POLG: variants seen among roughly 807,000 people sequenced by gnomAD.
The protein encoded by POLG is DNA polymerase gamma, catalytic subunit.
A neutral mutation model predicts 155.4 loss-of-function variants in POLG; 110 were observed. That is an observed-to-expected ratio of 0.71 (90% CI 0.61 to 0.83). POLG has a LOEUF of 0.83. POLG is among the 40% of genes least tolerant of loss of function. POLG has a pLI of 0.00. For missense variants in POLG, 1,685 were observed against 1,627.5 expected (o/e 1.04, Z -0.61); for synonymous variants, 701 against 631.5 (o/e 1.11, Z -1.65).
At chr15:89,323,769 TCCACCCAGCAC>T (rs1214701151) in intron 12 of POLG, 35 bp downstream of exon 12, 2 of 1,461,500 alleles carry the variant, frequency 1.4e-6, no homozygotes. Flanking sequence ...GGAAGCCCTT[TCCACCCAGCAC>T]CCACCTAGAG....
At chr15:89,322,096 C>T (rs975162307) in intron 14 of POLG, 81 bp from the exon 15 acceptor site, 10 of 1,317,724 alleles carry the variant, frequency 7.6e-6, no homozygotes, top group Non-Finnish European at 9.9e-6. Context: ...CCCTCACCTG[C>T]CCACCTCCAG....
chr15:89,330,106 T>C lies in POLG; in HGVS notation c.830A>G (p.His277Arg), dbSNP rs138929605. 7 of 1,614,000 alleles carry C rather than the reference T, an allele frequency of 4.3e-6. No homozygotes were observed. In the Admixed American group the frequency reaches 5.0e-5, roughly 12 times the overall value. ...CTGGATCAGGTACTGCTCCCTGATA[T>C]GAGCTCGGTCAAAGGAAACATTGTG... is the stretch of plus-strand genomic sequence containing the variant. ...VGHNVSFDRA[H>R]IREQYLIQGS... The change falls in exon 3 of 23, where the codon CAT becomes CGT. Residue 277 changes from histidine to arginine, a missense_variant. By Grantham distance (29) the His-to-Arg change is conservative. Transcript: ENST00000268124.
intron 22 of POLG, 148 bp downstream of exon 22, chr15:89,317,221 TGGACACA>T: frequency 1.4e-6 from 1 of 692,062 alleles, no homozygotes; most frequent in South Asian, 1.7e-5. Flanking sequence ...ACATTCACTC[TGGACACA>T]GGGCACCTTA....
In POLG at chr15:89,333,846, G is replaced by C; in HGVS notation, c.-92C>G. Reference sequence around the variant, plus strand: ...TTACTGGCTGGAAGACGTGGAGAGAGACACGTCCTGTCTCTGCTCTCCTGT... The same window carrying C: ...TTACTGGCTGGAAGACGTGGAGAGACACACGTCCTGTCTCTGCTCTCCTGT... On this transcript the variant is annotated 5_prime_UTR_variant, in exon 2 of 23. Coordinates refer to ENST00000268124, the MANE Select transcript of POLG (RefSeq NM_002693.3). 4 of 1,415,544 alleles carry C rather than the reference G, an allele frequency of 2.8e-6. No individual in the cohort carries two copies. Among genetic ancestry groups the C allele is most frequent in the Non-Finnish European group, 2.9e-6 (3 of 1,038,836 alleles). The allele number at this position is 1,415,544 out of a possible 1,614,324, so 87.7% of individuals were successfully genotyped here. A position where few individuals can be genotyped will look rare whatever the true frequency, so the allele number is the denominator to read the frequency against.
In POLG at chr15:89,317,370, G is replaced by A. The variant is rs907052263; in HGVS notation, c.3643+6C>T. On this transcript the variant is annotated splice_donor_region_variant and intron_variant, in intron 22 of 22. Coordinates refer to ENST00000268124, the MANE Select transcript of POLG (RefSeq NM_002693.3). ...GTGTAATGAGGAACAAATGTGTTGT[G>A]CTCACCCTGGGGAATCCCGTATCTC... 3 of 1,613,394 alleles carry A rather than the reference G, an allele frequency of 1.9e-6. No homozygotes were observed. The African/African-American group carries it at 4.0e-5, about 22-fold the overall frequency.
chr15:89,325,227 T>A lies in POLG; in HGVS notation c.1949+223A>T, dbSNP rs1452166635. On this transcript the variant is annotated intron_variant, in intron 10 of 22. Transcript: ENST00000268124. The stretch of plus-strand genomic sequence containing the variant: ...GTGAGAGAGTGAGTGAGTGAGAGAG[T>A]GAGTGAGAGAGTGAGTGAGTGAGAG... Among the ~76,000 whole-genome samples the A allele has an allele frequency of 1.2e-3, 49 of 41,830 alleles. 7 individuals are homozygous for A. In the East Asian group the frequency reaches 0.018, roughly 15 times the overall value. 27.4% of individuals were successfully genotyped at this position (41,830 alleles called of 152,430 possible).
chr15:89,323,138 G>A (rs919818584), intron 13 of POLG, among the ~76,000 whole-genome samples: 3 of 152,152 alleles, frequency 2.0e-5, no homozygotes, highest in South Asian at 2.1e-4. Context: ...ATAACAAATC[G>A]GAAAAACCTA....
chr15:89,328,853 C>T, intron 4 of POLG, 22 bp from the exon 5 acceptor site: 1 of 1,614,050 alleles, frequency 6.2e-7, no homozygotes, highest in Non-Finnish European at 8.5e-7. Flanking sequence ...GAGCAAGGGA[C>T]ATGGCAGATC....
intron 20 of POLG, 81 bp from the exon 21 acceptor site, chr15:89,318,830 T>G: frequency 6.4e-7 from 1 of 1,567,622 alleles, no homozygotes; most frequent in African/African-American, 1.3e-5. Flanking sequence ...CAAGAGAAGC[T>G]TCACTCTGGC....
intron 14 of POLG, among the ~76,000 whole-genome samples, chr15:89,322,521 G>T (rs747329336): frequency 1.3e-5 from 2 of 152,220 alleles, no homozygotes; most frequent in Non-Finnish European, 2.9e-5. Flanking sequence ...TTGGAGCTAC[G>T]AAGGGCTCTC....
chr15:89,334,166 C>A (rs1210221450), intron 1 of POLG, among the ~76,000 whole-genome samples: 1 of 152,206 alleles, frequency 6.6e-6, no homozygotes, highest in Admixed American at 6.5e-5. Flanking sequence ...TGGAGTAGGG[C>A]GACGCGGTTT....
intron 21 of POLG, chr15:89,318,122 T>G (rs1170206225): frequency 5.1e-6 from 1 of 194,430 alleles, no homozygotes; most frequent in East Asian, 1.4e-4. Flanking sequence ...CAGTGTTTTC[T>G]GTTAGCAGTC....
chr15:89,328,759 C>T lies in POLG; in HGVS notation c.1096G>A (p.Gly366Arg), dbSNP rs1340995594. ...LAEVHRLYVG[G>R]PPLEKEPREL... Reference sequence around the variant, plus strand: ...CGAGGCTCCTTCTCTAAGGGAGGCCCCCCTACATAAAGTCTGTGCACCTCT... The same window carrying T: ...CGAGGCTCCTTCTCTAAGGGAGGCCTCCCTACATAAAGTCTGTGCACCTCT... The change falls in exon 5 of 23, where the codon GGG becomes AGG. Residue 366 changes from glycine (G) to arginine (R), a missense_variant. This residue lies in a region of POLG where 1,210 missense variants were observed against 1,167.1 expected (regional missense o/e 1.04). Coordinates refer to ENST00000268124, the MANE Select transcript of POLG (RefSeq NM_002693.3). The T allele has an allele frequency of 6.2e-7, 1 of 1,613,988 alleles. No homozygotes were observed. Among genetic ancestry groups the T allele is most frequent in the African/African-American group, 1.3e-5 (1 of 74,940 alleles).
rs1342740334 is a variant in POLG at position 89,325,237 on chromosome 15, AGTGAGTGAGT to A, written c.1949+203_1949+212del. Among the ~76,000 whole-genome samples the A allele has an allele frequency of 7.4e-4, 78 of 106,012 alleles. 20 individuals are homozygous for A. Among genetic ancestry groups the A allele is most frequent in the African/African-American group, 2.6e-3 (58 of 22,486 alleles). The allele number at this position is 106,012 out of a possible 152,430, so 69.5% of individuals were successfully genotyped here. On this transcript the variant is annotated intron_variant, in intron 10 of 22. Coordinates refer to ENST00000268124, the MANE Select transcript of POLG (RefSeq NM_002693.3). ...GAGTGAGTGAGAGAGTGAGTGAGAG[AGTGAGTGAGT>A]GAGAGAGAGAGTGAGTGAGTGAGTG...
In POLG at chr15:89,318,943, A is replaced by G; in HGVS notation, c.3261T>C (p.Ala1087=). The G allele has an allele frequency of 6.2e-7, 1 of 1,614,142 alleles. No homozygotes were observed. The highest frequency in any genetic ancestry group is 8.5e-7 in the Non-Finnish European group (1 of 1,180,020). ...GGTAGCAAGATACCTCTTCCTGGACAGCCGAGGGCTCCAGGGCTCGGCTGA... is the reference window on the plus strand; with the variant it reads ...GGTAGCAAGATACCTCTTCCTGGACGGCCGAGGGCTCCAGGGCTCGGCTGA... The part of the protein sequence containing the change: ...CCISRALEPS[A]VQEEFMTSRV... The change falls in exon 20 of 23, where the codon GCT becomes GCC. Residue 1087 remains alanine (A), a synonymous_variant. Coordinates refer to ENST00000268124, the MANE Select transcript of POLG (RefSeq NM_002693.3).
chr15:89,329,281 G>C (rs1430020653), intron 3 of POLG, among the ~76,000 whole-genome samples, 171 bp from the exon 4 acceptor site: 1 of 152,190 alleles, frequency 6.6e-6, no homozygotes, highest in African/African-American at 2.4e-5. Context: ...GCTTGTTCAT[G>C]CTTGCCCCAT....
intron 3 of POLG, among the ~76,000 whole-genome samples, chr15:89,329,753 C>T (rs1052386455): frequency 1.3e-5 from 2 of 152,106 alleles, no homozygotes; most frequent in African/African-American, 2.4e-5. Context: ...GATGTTAAGG[C>T]GCTCACAGTA....
In POLG at chr15:89,325,101, A is replaced by T. The variant is rs62022589; in HGVS notation, c.1949+349T>A. Among the ~76,000 whole-genome samples the T allele has an allele frequency of 7.8e-3, 555 of 70,868 alleles. 60 individuals carry two copies. Among genetic ancestry groups the T allele is most frequent in the African/African-American group, 0.049 (376 of 7,622 alleles). The allele number at this position is 70,868 out of a possible 152,430, so 46.5% of individuals were successfully genotyped here. On this transcript the variant is annotated intron_variant, in intron 10 of 22. Coordinates refer to ENST00000268124, the MANE Select transcript of POLG (RefSeq NM_002693.3). ...GTGAGTGAGAGAGTGAGTGAGTGAGAGAGTGAGAGAGAGTGAGTGAGTGAG... is the reference window on the plus strand; with the variant it reads ...GTGAGTGAGAGAGTGAGTGAGTGAGTGAGTGAGAGAGAGTGAGTGAGTGAG...
rs2055536585 is a variant in POLG at position 89,327,351 on chromosome 15, T to C, written c.1251-2A>G. 6.2e-7 allele frequency: 1 copy of C among 1,612,794 alleles called. No homozygotes were observed. Among genetic ancestry groups the C allele is most frequent in the Non-Finnish European group, 8.5e-7 (1 of 1,179,942 alleles). On this transcript the variant is annotated splice_acceptor_variant, in intron 6 of 22. Coordinates refer to ENST00000268124, the MANE Select transcript of POLG (RefSeq NM_002693.3). LOFTEE classifies it high-confidence loss of function. ...GCCAGAGTCACTGGGTGGGGACACC[T>C]TGGAGGCAAACACCAGGAGCTGCCA... is the stretch of plus-strand genomic sequence containing the variant.
Sources: allele counts gnomAD v4.1 joint callset (sites outside exome capture counted in the v4.1 genomes callset), GRCh38; gene constraint gnomAD v4.1.1; regional missense constraint gnomAD v4.1.1; transcripts MANE v1.5; gene names NCBI Gene and HGNC (gene_info 2026-07-23, HGNC 2026-07-21).